Variants in DMD observed in about 807,000 individuals in gnomAD.
DMD encodes the protein dystrophin.
In DMD, 63 loss-of-function variants were observed where a neutral mutation model predicts 330.1. That is an observed-to-expected ratio of 0.19 (90% CI 0.16 to 0.24). DMD has a LOEUF of 0.24. Among genes scored for constraint, DMD ranks in the 10% least tolerant of loss-of-function variants. The pLI, the probability that DMD is intolerant of heterozygous loss-of-function variation, is 1.00. For synonymous variants in DMD, 1,223 were observed against 959.8 expected (o/e 1.27, Z -5.07); for missense variants, 3,344 against 2,684.1 (o/e 1.25, Z -5.43).
At chrX:32,336,044 G>GTGTATAACATGT (rs1198764950) in intron 41 of DMD, among the ~76,000 whole-genome samples, 2 of 97,880 alleles carry the variant, frequency 2.0e-5, no homozygotes, top group Non-Finnish European at 4.0e-5. Context: ...TATATAACGT[G>GTGTATAACATGT]TATATATAAC....
At chrX:32,715,978 A>C (rs952329615) in intron 7 of DMD, among the ~76,000 whole-genome samples, 1 of 111,384 alleles carries the variant, frequency 9.0e-6, no homozygotes, top group Non-Finnish European at 1.9e-5. Flanking sequence ...TACATTTCCT[A>C]ATTTTGAGAT....
At chrX:32,587,617 C>T (rs993892496) in intron 13 of DMD, among the ~76,000 whole-genome samples, 1 of 110,385 alleles carries the variant, frequency 9.1e-6, no homozygotes, top group African/African-American at 3.3e-5. Flanking sequence ...TATTTTCTTG[C>T]ACTCCACCTG....
intron 44 of DMD, among the ~76,000 whole-genome samples, chrX:32,172,280 A>G (rs980725018): frequency 1.8e-5 from 2 of 112,080 alleles, no homozygotes; most frequent in Admixed American, 1.9e-4. Flanking sequence ...GTCATTGTTC[A>G]TAATGATATG....
At chrX:31,410,346 A>G (rs12011587) in intron 60 of DMD, among the ~76,000 whole-genome samples, 61 of 111,952 alleles carry the variant, frequency 5.4e-4, no homozygotes, top group African/African-American at 1.9e-3. Flanking sequence ...AGTTTGCTGC[A>G]TCGTGCTTCT....
At chrX:32,192,999 G>A (rs1173269958) in intron 44 of DMD, among the ~76,000 whole-genome samples, 3 of 111,835 alleles carry the variant, frequency 2.7e-5, no homozygotes, top group African/African-American at 9.8e-5. Context: ...CTCATGAATG[G>A]TTTAACACCA....
chrX:32,677,033 CAT>C (rs939124784), intron 9 of DMD, among the ~76,000 whole-genome samples: 11 of 110,911 alleles, frequency 9.9e-5, no homozygotes, highest in Non-Finnish European at 1.5e-4. Flanking sequence ...TTTTAAATTA[CAT>C]GTTTTATTTA....
At chrX:32,201,933 T>C (rs375308635) in intron 44 of DMD, among the ~76,000 whole-genome samples, 1 of 112,256 alleles carries the variant, frequency 8.9e-6, no homozygotes, top group Non-Finnish European at 1.9e-5. Flanking sequence ...CAGCTTATGA[T>C]AGAATTTTTA....
intron 4 of DMD, among the ~76,000 whole-genome samples, chrX:32,826,225 GCA>G (rs1219749075): frequency 8.9e-6 from 1 of 111,818 alleles, no homozygotes; most frequent in Non-Finnish European, 1.9e-5. Context: ...AGGAATCTTT[GCA>G]CAGTGTTGGT....
chrX:32,270,901 T>C (rs2097362848), intron 43 of DMD, among the ~76,000 whole-genome samples: 1 of 111,790 alleles, frequency 8.9e-6, no homozygotes, highest in Non-Finnish European at 1.9e-5. Context: ...ATTGTGGTTG[T>C]AGCTGACTAA....
At chrX:32,753,419 G>C (rs2071079120) in intron 7 of DMD, among the ~76,000 whole-genome samples, 1 of 111,487 alleles carries the variant, frequency 9.0e-6, no homozygotes, top group African/African-American at 3.3e-5. Context: ...AGTTCTTCCA[G>C]ATGTGGTTCG....
chrX:32,563,429 A>C (rs2051302809), intron 16 of DMD, among the ~76,000 whole-genome samples: 1 of 109,450 alleles, frequency 9.1e-6, no homozygotes, highest in Non-Finnish European at 1.9e-5. Context: ...TATCAAACTC[A>C]ACCTTTTTCC....
At chrX:32,858,314 T>C (rs889504885) in intron 2 of DMD, among the ~76,000 whole-genome samples, 12 of 112,075 alleles carry the variant, frequency 1.1e-4, no homozygotes, top group African/African-American at 3.9e-4. Context: ...TATGCTTGTT[T>C]CAACGTAAAA....
At chrX:31,861,796 T>C (rs919504784) in intron 48 of DMD, among the ~76,000 whole-genome samples, 2 of 94,375 alleles carry the variant, frequency 2.1e-5, no homozygotes, top group African/African-American at 8.2e-5. Flanking sequence ...TCCTTTCTTA[T>C]GAAGGAGGAA....
intron 55 of DMD, chrX:31,508,406 T>A: frequency 2.1e-6 from 1 of 467,590 alleles, no homozygotes; most frequent in Non-Finnish European, 3.5e-6. Context: ...AACGGCCACT[T>A]TGTACTCCGC....
At chrX:32,565,406 CTG>C (rs1233258323) in intron 16 of DMD, among the ~76,000 whole-genome samples, 1 of 111,403 alleles carries the variant, frequency 9.0e-6, no homozygotes, top group Non-Finnish European at 1.9e-5. Flanking sequence ...TGGGGTTAGA[CTG>C]TGATTATACA....
intron 15 of DMD, among the ~76,000 whole-genome samples, chrX:32,573,113 TACCCCTTTATAATAAACTAAGGTTAA>T (rs1182572326): frequency 1.8e-5 from 2 of 111,261 alleles, no homozygotes; most frequent in Non-Finnish European, 3.8e-5. Context: ...CAGTCTCAGG[TACCCCTTTATAATAAACTAAGGTTAA>T]ACTCCATCAA....
At chrX:31,124,643 C>A (rs893228864) in intron 78 of DMD, among the ~76,000 whole-genome samples, 75 of 111,933 alleles carry the variant, frequency 6.7e-4, no homozygotes, top group African/African-American at 2.3e-3. Flanking sequence ...TTAATCCATT[C>A]TTAAGGATTA....
intron 55 of DMD, among the ~76,000 whole-genome samples, chrX:31,592,996 C>A (rs2076948118): frequency 9.0e-6 from 1 of 110,889 alleles, no homozygotes; most frequent in African/African-American, 3.3e-5. Flanking sequence ...AGAGTTTAGA[C>A]CATTATAATA....
intron 54 of DMD, among the ~76,000 whole-genome samples, chrX:31,645,308 G>T (rs1296200306): frequency 9.0e-6 from 1 of 111,152 alleles, no homozygotes; most frequent in Admixed American, 9.5e-5. Flanking sequence ...GAAAAAAAAA[G>T]ATTCAATATG....
Sources: gnomAD v4.1 joint callset for allele counts (sites outside exome capture counted in the v4.1 genomes callset) on GRCh38, gnomAD v4.1.1 for gene constraint, MANE v1.5 for transcripts, NCBI Gene and HGNC (gene_info 2026-07-23, HGNC 2026-07-21) for gene names.